GALNT13: variants seen among roughly 807,000 people sequenced by gnomAD.
GALNT13 encodes UDP-GalNAc:polypeptide N-acetylgalactosaminyltransferase 13.
A neutral mutation model predicts 64.2 loss-of-function variants in GALNT13; 28 were observed. The observed-to-expected ratio is 0.44, with a 90% CI of 0.32 to 0.60. The LOEUF is 0.60. Among genes scored for constraint, GALNT13 ranks in the 20% least tolerant of loss-of-function variants. The probability of loss-of-function intolerance (pLI) is 0.05; values close to 1 mark genes in which losing one functional copy is unlikely to be tolerated. For missense variants in GALNT13, 577 were observed against 669.8 expected (o/e 0.86, Z 1.53); for synonymous variants, 214 against 224.6 (o/e 0.95, Z 0.42).
At chr2:153,248,292 A>C in the GALNT13 span, among the ~76,000 whole-genome samples, 2 of 152,196 alleles carry the variant, frequency 1.3e-5, no homozygotes, top group African/African-American at 4.8e-5. Flanking sequence ...TCCCTGATGA[A>C]AATCGATGTG....
the GALNT13 span, among the ~76,000 whole-genome samples, chr2:153,855,426 T>A: frequency 6.6e-6 from 1 of 152,022 alleles, no homozygotes; most frequent in Admixed American, 6.6e-5. Context: ...AATGGGCAAA[T>A]TACCTGGCTA....
the GALNT13 span, among the ~76,000 whole-genome samples, chr2:153,124,059 CCG>C: frequency 6.6e-6 from 1 of 152,166 alleles, no homozygotes; most frequent in African/African-American, 2.4e-5. Context: ...AATCAAGCTG[CCG>C]TGTTGTGAGC....
intron 9 of GALNT13, among the ~76,000 whole-genome samples, chr2:154,326,647 A>T (rs1381854607): frequency 6.6e-6 from 1 of 152,140 alleles, no homozygotes; most frequent in Non-Finnish European, 1.5e-5. Flanking sequence ...GGAATCTGAA[A>T]TTCTGATCTC....
the GALNT13 span, among the ~76,000 whole-genome samples, chr2:153,864,138 G>A: frequency 1.3e-5 from 2 of 151,996 alleles, no homozygotes; most frequent in Non-Finnish European, 2.9e-5. Context: ...ACTTTTCTCT[G>A]TCAATGAATG....
chr2:153,951,363 A>G (rs1325792895), intron 3 of GALNT13, among the ~76,000 whole-genome samples: 1 of 152,174 alleles, frequency 6.6e-6, no homozygotes, highest in Non-Finnish European at 1.5e-5. Context: ...AATGGATTAG[A>G]GAAGAGCTAT....
chr2:153,164,551 A>T, the GALNT13 span, among the ~76,000 whole-genome samples: 1 of 152,156 alleles, frequency 6.6e-6, no homozygotes, highest in Non-Finnish European at 1.5e-5. Flanking sequence ...ATATATTTTG[A>T]TGTATCTGGA....
intron 11 of GALNT13, chr2:154,437,812 G>T (rs1231080968): frequency 3.3e-6 from 1 of 307,266 alleles, no homozygotes; most frequent in African/African-American, 2.4e-5. Context: ...CCCAGATTAC[G>T]CCAGTGCACT....
At chr2:154,247,692 A>G (rs969166495) in intron 7 of GALNT13, among the ~76,000 whole-genome samples, 3 of 152,058 alleles carry the variant, frequency 2.0e-5, no homozygotes, top group Admixed American at 6.6e-5. Flanking sequence ...CTAACTTCCT[A>G]TATTTTAACC....
intron 2 of GALNT13, among the ~76,000 whole-genome samples, chr2:153,933,007 T>A (rs560734573): frequency 9.8e-5 from 15 of 152,300 alleles, no homozygotes; most frequent in South Asian, 2.1e-4. Context: ...TCAGCTTTTT[T>A]AAAAATTTGT....
At chr2:154,370,000 T>C (rs1697590830) in intron 9 of GALNT13, among the ~76,000 whole-genome samples, 1 of 152,134 alleles carries the variant, frequency 6.6e-6, no homozygotes, top group South Asian at 2.1e-4. Flanking sequence ...ACATACATAA[T>C]CCATTTTAGA....
the GALNT13 span, among the ~76,000 whole-genome samples, chr2:153,693,528 C>T: frequency 2.0e-5 from 3 of 151,924 alleles, no homozygotes; most frequent in African/African-American, 7.3e-5. Flanking sequence ...TTTATTTTGC[C>T]AAGGTTAAGA....
At chr2:153,680,345 TA>T in the GALNT13 span, among the ~76,000 whole-genome samples, 2 of 149,948 alleles carry the variant, frequency 1.3e-5, no homozygotes, top group African/African-American at 2.4e-5. Context: ...CTATGGGAAA[TA>T]AAAAAAAATT....
At chr2:153,453,577 C>T in the GALNT13 span, among the ~76,000 whole-genome samples, 1 of 152,152 alleles carries the variant, frequency 6.6e-6, no homozygotes, top group Admixed American at 6.5e-5. Context: ...TACCATCTCA[C>T]ACCAGTCAGA....
chr2:153,661,341 T>C, the GALNT13 span, among the ~76,000 whole-genome samples: 1 of 152,142 alleles, frequency 6.6e-6, no homozygotes, highest in Admixed American at 6.6e-5. Context: ...CTGCTCAAAA[T>C]CACTGGGACC....
chr2:154,349,800 C>T (rs545479981), intron 9 of GALNT13, among the ~76,000 whole-genome samples: 1 of 152,256 alleles, frequency 6.6e-6, no homozygotes, highest in Admixed American at 6.5e-5. Context: ...CATTCAGGCC[C>T]ACAGGCAATA....
At chr2:154,257,450 G>C (rs1690440650) in intron 7 of GALNT13, 1 of 152,104 alleles carries the variant, frequency 6.6e-6, no homozygotes, top group Non-Finnish European at 1.5e-5. Flanking sequence ...CTCCAGCACT[G>C]TAATATGTTA....
intron 4 of GALNT13, among the ~76,000 whole-genome samples, chr2:154,169,178 A>T (rs1027863883): frequency 6.6e-6 from 1 of 152,146 alleles, no homozygotes; most frequent in Non-Finnish European, 1.5e-5. Context: ...AACATCTCCC[A>T]TTAGGCCTAC....
intron 4 of GALNT13, among the ~76,000 whole-genome samples, chr2:154,228,204 C>T (rs1245303425): frequency 6.6e-6 from 1 of 151,892 alleles, no homozygotes; most frequent in Non-Finnish European, 1.5e-5. Flanking sequence ...TTTGCCTCAG[C>T]CTCAAAGAGC....
the GALNT13 span, among the ~76,000 whole-genome samples, chr2:153,245,235 A>G: frequency 6.6e-6 from 1 of 152,242 alleles, no homozygotes; most frequent in Non-Finnish European, 1.5e-5. Context: ...AGCTCTGAAG[A>G]GAGCAGCTGA....
Sources: gnomAD v4.1 joint callset for allele counts (sites outside exome capture counted in the v4.1 genomes callset) on GRCh38, gnomAD v4.1.1 for gene constraint, MANE v1.5 for transcripts, NCBI Gene and HGNC (gene_info 2026-07-23, HGNC 2026-07-21) for gene names.